PCDHA13: variants seen among roughly 807,000 people sequenced by gnomAD.
PCDHA13 encodes the protein protocadherin alpha-13.
Under a neutral mutation model 64.8 loss-of-function variants are expected in PCDHA13, and 54 were observed. The ratio of observed to expected loss-of-function variants is 0.83; its 90% CI spans 0.67 to 1.04. The LOEUF (loss-of-function observed/expected upper bound fraction) is 1.04, where lower values mean the gene tolerates loss of function less well. Ranked by LOEUF, PCDHA13 falls within the 50% of genes least tolerant of loss-of-function variation. PCDHA13 has a pLI of 0.00. For synonymous variants in PCDHA13, 587 were observed against 564.4 expected (o/e 1.04, Z -0.57); for missense variants, 1,248 against 1,254.3 (o/e 0.99, Z 0.08).
chr5:140,955,914 G>A (rs1293205418), intron 1 of PCDHA13, among the ~76,000 whole-genome samples: 1 of 152,140 alleles, frequency 6.6e-6, no homozygotes, highest in East Asian at 1.9e-4. Context: ...TAGCAATTGT[G>A]AATGGGAGTT....
intron 1 of PCDHA13, among the ~76,000 whole-genome samples, chr5:140,972,018 A>G (rs2096514313): frequency 6.6e-6 from 1 of 152,162 alleles, no homozygotes; most frequent in Non-Finnish European, 1.5e-5. Flanking sequence ...TTTATATGGG[A>G]TATTCAGGCA....
chr5:140,967,212 C>T, intron 1 of PCDHA13: 1 of 1,613,630 alleles, frequency 6.2e-7, no homozygotes, highest in Middle Eastern at 1.6e-4. Flanking sequence ...CCGCGTTTCC[C>T]GCGGCCCAAC....
At chr5:140,997,099 A>G (rs1554255700) in intron 3 of PCDHA13, among the ~76,000 whole-genome samples, 6 of 152,108 alleles carry the variant, frequency 3.9e-5, no homozygotes. Context: ...CAGAGTTCTC[A>G]TGCACTCCTG....
intron 1 of PCDHA13, among the ~76,000 whole-genome samples, chr5:140,961,629 A>G (rs970820292): frequency 6.6e-6 from 1 of 152,162 alleles, no homozygotes; most frequent in Non-Finnish European, 1.5e-5. Flanking sequence ...CATATGAAAA[A>G]CAATCTTAAG....
rs1554176132 is a variant in PCDHA13 at position 140,882,928 on chromosome 5, C to G, written c.660C>G (p.Pro220=). Residue 220 remains proline (P), a synonymous_variant, in exon 1 of 4, where the codon CCC becomes CCG. Coordinates refer to ENST00000289272, the MANE Select transcript of PCDHA13 (RefSeq NM_018904.3). ...LLLTASDGGK[P]ELTGTVQLLI... ...TGACAGCCAGTGATGGAGGTAAACC[C>G]GAGCTGACTGGCACAGTTCAGCTGC... 6.2e-7 allele frequency: 1 copy of G among 1,614,140 alleles called. No homozygotes were observed. The highest frequency in any genetic ancestry group is 1.1e-5 in the South Asian group (1 of 91,074).
At chr5:140,892,120 A>G (rs1242162429) in intron 1 of PCDHA13, among the ~76,000 whole-genome samples, 1 of 152,216 alleles carries the variant, frequency 6.6e-6, no homozygotes, top group Non-Finnish European at 1.5e-5. Context: ...TATATCTGGA[A>G]CACAATAAGC....
At chr5:140,911,250 A>G (rs1165718759) in intron 1 of PCDHA13, among the ~76,000 whole-genome samples, 1 of 152,166 alleles carries the variant, frequency 6.6e-6, no homozygotes. Context: ...AAGTTTCATC[A>G]GAATTTATAA....
In PCDHA13 at chr5:141,007,395, CAAAAAAAAA is replaced by C. The variant is rs35800918; in HGVS notation, c.2543-2217_2543-2209del. 1.6e-4 allele frequency among the ~76,000 whole-genome samples: 15 copies of C among 94,844 alleles called. No individual in the cohort carries two copies. The East Asian group carries it at 2.4e-3, about 15-fold the overall frequency. The allele number at this position is 94,844 out of a possible 152,430, so 62.2% of individuals were successfully genotyped here. A position where few individuals can be genotyped will look rare whatever the true frequency, so the allele number is the denominator to read the frequency against. On this transcript the variant is annotated intron_variant, in intron 3 of 3. Transcript: ENST00000289272. The stretch of plus-strand genomic sequence containing the variant: ...ATGGAACACCATCTCTACTAAAATA[CAAAAAAAAA>C]AAAAAAAAAAAAAATTAGCCAGGCA...
chr5:140,956,497 A>G (rs2095288493), intron 1 of PCDHA13, among the ~76,000 whole-genome samples: 2 of 152,190 alleles, frequency 1.3e-5, no homozygotes, highest in Admixed American at 1.3e-4. Flanking sequence ...CCAGGGATGA[A>G]GCCTACTTGA....
At chr5:140,927,581 C>T (rs1554204769) in intron 1 of PCDHA13, 1 of 1,614,150 alleles carries the variant, frequency 6.2e-7, no homozygotes, top group East Asian at 2.2e-5. Context: ...AATGACAACG[C>T]GCCTGTATTT....
At position 140,884,006 on chromosome 5, in the gene PCDHA13, C is replaced by A; in HGVS notation, c.1738C>A (p.Leu580Met). 1 of 1,613,022 alleles carries A rather than the reference C, an allele frequency of 6.2e-7. No individual in the cohort carries two copies. Among genetic ancestry groups the A allele is most frequent in the Non-Finnish European group, 8.5e-7 (1 of 1,179,564 alleles). The change falls in exon 1 of 4, where the codon CTG becomes ATG. Residue 580 changes from leucine to methionine, a missense_variant. Coordinates refer to ENST00000289272, the MANE Select transcript of PCDHA13 (RefSeq NM_018904.3). ...CAGCGCGGGAGGCACAGTGAGCGAG[C>A]TGATGCCGCGGTCGGTGGGTGCAGG... ...AGSAGGTVSE[L>M]MPRSVGAGHV...
chr5:140,966,970 G>C, intron 1 of PCDHA13: 1 of 1,602,870 alleles, frequency 6.2e-7, no homozygotes, highest in Non-Finnish European at 8.5e-7. Flanking sequence ...TGGGGCTTGA[G>C]CTGCGGCGCT....
chr5:140,882,331 C>A lies in PCDHA13; in HGVS notation c.63C>A (p.Leu21=). 1 of 1,614,214 alleles carries A rather than the reference C, an allele frequency of 6.2e-7. No individual in the cohort carries two copies. Among genetic ancestry groups the A allele is most frequent in the South Asian group, 1.1e-5 (1 of 91,076 alleles). Reference sequence around the variant, plus strand: ...AACTACTGCTCTGGCTTCTGATCCTCGCAGCCTGGGAGACGGGTAGTGGCC... The same window carrying A: ...AACTACTGCTCTGGCTTCTGATCCTAGCAGCCTGGGAGACGGGTAGTGGCC... ...PRQLLLWLLI[L]AAWETGSGQL... Residue 21 remains leucine, a synonymous_variant, in exon 1 of 4, where the codon CTC becomes CTA. Coordinates refer to ENST00000289272, the MANE Select transcript of PCDHA13 (RefSeq NM_018904.3).
At chr5:140,887,204 C>T (rs1438790748) in intron 1 of PCDHA13, among the ~76,000 whole-genome samples, 7 of 151,828 alleles carry the variant, frequency 4.6e-5, no homozygotes, top group African/African-American at 1.5e-4. Flanking sequence ...TCACGCCATT[C>T]TCCTGCCTCA....
chr5:140,966,402 G>A (rs1554228257), intron 1 of PCDHA13: 4 of 404,514 alleles, frequency 9.9e-6, no homozygotes, highest in African/African-American at 8.2e-5. Context: ...ACTTCGGCGC[G>A]GAATCAGAGC....
chr5:140,998,826 AGTGCTGGATTACTG>A (rs1301277298), intron 3 of PCDHA13, among the ~76,000 whole-genome samples: 1 of 152,240 alleles, frequency 6.6e-6, no homozygotes, highest in Non-Finnish European at 1.5e-5. Flanking sequence ...GGCCTCCCAA[AGTGCTGGATTACTG>A]GTGTGAGCCA....
intron 1 of PCDHA13, among the ~76,000 whole-genome samples, chr5:140,925,526 C>T (rs2153578026): frequency 6.6e-6 from 1 of 152,028 alleles, no homozygotes; most frequent in Non-Finnish European, 1.5e-5. Flanking sequence ...AAATTAAAAG[C>T]GAGGAGAAAT....
Position 140,882,169 on chromosome 5 carries a change from C to A in PCDHA13, c.-100C>A. On this transcript the variant is annotated 5_prime_UTR_variant, in exon 1 of 4. Coordinates refer to ENST00000289272, the MANE Select transcript of PCDHA13 (RefSeq NM_018904.3). ...AGAAAGCGGAATACCTCTTGCGAAT[C>A]CTTCCGCACTAGGAAGCCATAAAAA... 1 of 1,511,484 alleles carries A rather than the reference C, an allele frequency of 6.6e-7. No individual in the cohort carries two copies. The highest frequency in any genetic ancestry group is 8.8e-7 in the Non-Finnish European group (1 of 1,130,312). 93.6% of individuals were successfully genotyped at this position (1,511,484 alleles called of 1,614,324 possible). A position where few individuals can be genotyped will look rare whatever the true frequency, so the allele number is the denominator to read the frequency against.
At chr5:140,935,665 T>C (rs2090490152) in intron 1 of PCDHA13, among the ~76,000 whole-genome samples, 1 of 152,182 alleles carries the variant, frequency 6.6e-6, no homozygotes, top group Non-Finnish European at 1.5e-5. Context: ...TCTTTTATAA[T>C]TATGTGAAAT....
Sources: gnomAD v4.1 joint callset for allele counts (sites outside exome capture counted in the v4.1 genomes callset) on GRCh38, gnomAD v4.1.1 for gene constraint, MANE v1.5 for transcripts, NCBI Gene and HGNC (gene_info 2026-07-23, HGNC 2026-07-21) for gene names.